LANCL3: variants seen among roughly 807,000 people sequenced by gnomAD.
The protein encoded by LANCL3 is lanC-like protein 3.
In LANCL3, 19 loss-of-function variants were observed where a neutral mutation model predicts 26.5. That is an observed-to-expected ratio of 0.72 (90% CI 0.50 to 1.05). LANCL3 has a LOEUF of 1.05. LANCL3 is among the 50% of genes least tolerant of loss of function. LANCL3 has a pLI of 0.00. For missense variants in LANCL3, 318 were observed against 362.7 expected, an observed-to-expected ratio of 0.88 and a Z score of 1.00; for synonymous variants, 160 against 166.6, an observed-to-expected ratio of 0.96 and a Z score of 0.30.
intron 1 of LANCL3, among the ~76,000 whole-genome samples, chrX:37,609,445 T>C (rs1556420875): frequency 9.0e-6 from 1 of 111,724 alleles, no homozygotes; most frequent in East Asian, 2.8e-4. Flanking sequence ...GAAGTGTTAT[T>C]GTGGATTAAG....
chrX:37,659,767 G>T, intron 3 of LANCL3, 108 bp downstream of exon 3: 2 of 660,066 alleles, frequency 3.0e-6, no homozygotes, highest in South Asian at 2.7e-5. Context: ...ATTACTATGT[G>T]AGATAAAAGG....
chrX:37,634,219 A>T (rs947423398), intron 1 of LANCL3, among the ~76,000 whole-genome samples: 13 of 112,375 alleles, frequency 1.2e-4, no homozygotes, highest in Non-Finnish European at 2.3e-4. Context: ...GACTCCGTGG[A>T]CGTAGGACCC....
chrX:37,619,128 CAAT>C (rs782717010), intron 1 of LANCL3, among the ~76,000 whole-genome samples: 8 of 111,030 alleles, frequency 7.2e-5, no homozygotes, highest in Non-Finnish European at 1.3e-4. Flanking sequence ...CACTGGCACT[CAAT>C]TATATTAATT....
At chrX:37,644,371 G>T (rs1556426464) in intron 1 of LANCL3, among the ~76,000 whole-genome samples, 1 of 112,176 alleles carries the variant, frequency 8.9e-6, no homozygotes, top group Admixed American at 9.4e-5. Flanking sequence ...GCTGTGGCCA[G>T]TGAATAGATA....
chrX:37,600,256 T>C (rs1293551795), intron 1 of LANCL3, among the ~76,000 whole-genome samples: 1 of 112,214 alleles, frequency 8.9e-6, no homozygotes, highest in Non-Finnish European at 1.9e-5. Context: ...GTTATTTTTG[T>C]TAATCTCATA....
chrX:37,671,267 A>G (rs929861768), intron 4 of LANCL3, among the ~76,000 whole-genome samples: 9 of 110,868 alleles, frequency 8.1e-5, no homozygotes, highest in African/African-American at 1.6e-4. Context: ...GTTCTTCTCT[A>G]TAACAATGCA....
At chrX:37,579,958 G>A (rs782313281) in intron 1 of LANCL3, among the ~76,000 whole-genome samples, 15 of 111,757 alleles carry the variant, frequency 1.3e-4, no homozygotes, top group African/African-American at 3.9e-4. Context: ...CTAAACTGAC[G>A]AGTATAAAAT....
chrX:37,623,021 T>C (rs1262377626), intron 1 of LANCL3, among the ~76,000 whole-genome samples: 1 of 112,241 alleles, frequency 8.9e-6, no homozygotes, highest in Non-Finnish European at 1.9e-5. Flanking sequence ...CACCTTTTCA[T>C]AGGCAGTTTT....
rs1434194546 is a variant in LANCL3 at position 37,681,777 on chromosome X, T to C, written c.*5964T>C. On this transcript the variant is annotated 3_prime_UTR_variant, in exon 5 of 5. Coordinates refer to ENST00000378619, the MANE Select transcript of LANCL3 (RefSeq NM_001170331.2). ...GAAAAACTTTGTGTTTTCCTCTCTT[T>C]CTCCACTCCTTTTGGGGCCCATTTC... The C allele has an allele frequency of 9.0e-6, 1 of 111,440 alleles. No homozygotes were observed. Among genetic ancestry groups the C allele is most frequent in the Non-Finnish European group, 1.9e-5 (1 of 53,078 alleles). 9.2% of individuals were successfully genotyped at this position (111,440 alleles called of 1,213,427 possible). A position where few individuals can be genotyped will look rare whatever the true frequency, so the allele number is the denominator to read the frequency against.
chrX:37,585,990 T>C (rs1213696071), intron 1 of LANCL3, among the ~76,000 whole-genome samples: 1 of 111,597 alleles, frequency 9.0e-6, no homozygotes, highest in Non-Finnish European at 1.9e-5. Context: ...AGGGCAGGCC[T>C]GGTGGTGACA....
At chrX:37,645,306 T>A (rs1925960822) in intron 1 of LANCL3, among the ~76,000 whole-genome samples, 1 of 112,399 alleles carries the variant, frequency 8.9e-6, no homozygotes, top group Non-Finnish European at 1.9e-5. Context: ...ATCCCTTTAA[T>A]GACTGGAGGA....
chrX:37,629,340 G>A (rs1556423686), intron 1 of LANCL3, among the ~76,000 whole-genome samples: 1 of 107,041 alleles, frequency 9.3e-6, no homozygotes, highest in African/African-American at 3.4e-5. Context: ...TGTAGATTCT[G>A]GATATTAGCC....
chrX:37,629,791 C>A (rs1405225841), intron 1 of LANCL3, among the ~76,000 whole-genome samples: 2 of 111,354 alleles, frequency 1.8e-5, no homozygotes, highest in African/African-American at 6.6e-5. Flanking sequence ...GGGCTCTGTT[C>A]TGTTCCATTG....
At chrX:37,665,634 G>A (rs1450359869) in intron 3 of LANCL3, among the ~76,000 whole-genome samples, 1 of 112,122 alleles carries the variant, frequency 8.9e-6, no homozygotes, top group African/African-American at 3.2e-5. Flanking sequence ...CTGAAGGGTA[G>A]GAGTCATGTT....
At chrX:37,622,998 A>G (rs191399518) in intron 1 of LANCL3, among the ~76,000 whole-genome samples, 3 of 112,137 alleles carry the variant, frequency 2.7e-5, no homozygotes, top group East Asian at 5.6e-4. Context: ...TATTATTTCA[A>G]CTGTACAATT....
rs782116342 is a variant in LANCL3 at position 37,592,545 on chromosome X, A to G, written c.573+20102A>G. Reference sequence around the variant, plus strand: ...AATATTGTCAGAGAAGAAAGTAATCACATGTCTGAAATGAAAGCAGGATAT... The same window carrying G: ...AATATTGTCAGAGAAGAAAGTAATCGCATGTCTGAAATGAAAGCAGGATAT... On this transcript the variant is annotated intron_variant, in intron 1 of 4. Transcript: ENST00000378619. Among the ~76,000 whole-genome samples, 18 of 112,365 alleles carry G rather than the reference A, an allele frequency of 1.6e-4. No homozygotes were observed. The South Asian group carries it at 2.6e-3, about 16-fold the overall frequency.
At chrX:37,588,398 C>G (rs1556418436) in intron 1 of LANCL3, among the ~76,000 whole-genome samples, 1 of 111,310 alleles carries the variant, frequency 9.0e-6, no homozygotes, top group African/African-American at 3.3e-5. Context: ...CATGTCTTGA[C>G]TGGTTTGTCT....
chrX:37,675,553 G>A (rs890819911), intron 4 of LANCL3, 101 bp from the exon 5 acceptor site: 1 of 414,605 alleles, frequency 2.4e-6, no homozygotes, highest in Non-Finnish European at 3.9e-6. Context: ...ATTCTGGAAA[G>A]AAAATTATGC....
At chrX:37,663,002 C>T (rs782396007) in intron 3 of LANCL3, among the ~76,000 whole-genome samples, 11 of 111,369 alleles carry the variant, frequency 9.9e-5, no homozygotes, top group Non-Finnish European at 1.3e-4. Context: ...ACCTTTTAAG[C>T]GTTCTGGGGC....
Sources: allele counts gnomAD v4.1 joint callset (sites outside exome capture counted in the v4.1 genomes callset), GRCh38; gene constraint gnomAD v4.1.1; transcripts MANE v1.5; gene names NCBI Gene and HGNC (gene_info 2026-07-23, HGNC 2026-07-21).